GLRX3: variants seen among roughly 807,000 people sequenced by gnomAD.
The protein encoded by GLRX3 is glutaredoxin 3.
In GLRX3, 22 loss-of-function variants were observed where a neutral mutation model predicts 49.5. That is an observed-to-expected ratio of 0.44 (90% CI 0.32 to 0.63). GLRX3 has a LOEUF of 0.63. GLRX3 is among the 30% of genes least tolerant of loss of function. GLRX3 has a pLI of 0.05. For missense variants in GLRX3, 385 were observed against 396.3 expected (o/e 0.97, Z 0.24); for synonymous variants, 133 against 140.0 (o/e 0.95, Z 0.35).
Position 130,147,228 on chromosome 10 carries a change from G to T in GLRX3, c.201+1909G>T, listed in dbSNP as rs74564154. On this transcript the variant is annotated intron_variant, in intron 2 of 10. Transcript: ENST00000331244. ...ACTGCATGTTTGGTCAGTGATAAAA[G>T]ATAATGATTACAAGTGAAATGAATG... Among the ~76,000 whole-genome samples, 11 of 152,300 alleles carry T rather than the reference G, an allele frequency of 7.2e-5. No homozygotes were observed. In the East Asian group the frequency reaches 1.9e-3, roughly 27 times the overall value.
intron 1 of GLRX3, among the ~76,000 whole-genome samples, chr10:130,137,242 A>G (rs1298302577): frequency 1.3e-5 from 2 of 152,178 alleles, no homozygotes; most frequent in African/African-American, 4.8e-5. Flanking sequence ...CCCTGGGAAG[A>G]CTACAAAAGG....
intron 2 of GLRX3, among the ~76,000 whole-genome samples, chr10:130,158,215 A>ATT (rs756696306): frequency 3.9e-4 from 57 of 144,588 alleles, no homozygotes; most frequent in African/African-American, 9.4e-4. Flanking sequence ...AAGAAATCAG[A>ATT]TTTTTTTTTT....
chr10:130,138,046 A>G (rs1487618997), intron 1 of GLRX3, among the ~76,000 whole-genome samples: 1 of 151,732 alleles, frequency 6.6e-6, no homozygotes, highest in Admixed American at 6.6e-5. Context: ...AGAAATGCTT[A>G]TTGATCTAAA....
rs193289113 is a variant in GLRX3, at chr10:130,144,405, A to G, written c.93-806A>G. On this transcript the variant is annotated intron_variant, in intron 1 of 10. Coordinates refer to ENST00000331244, the MANE Select transcript of GLRX3 (RefSeq NM_006541.5). ...TGCTGCACCTATCAACCCATCATCT[A>G]GGTTTTAAGCCCTGCATGCATTAGG... 4.6e-5 allele frequency among the ~76,000 whole-genome samples: 7 copies of G among 151,180 alleles called. No homozygotes were observed. The South Asian group carries it at 8.3e-4, about 18-fold the overall frequency.
intron 2 of GLRX3, among the ~76,000 whole-genome samples, chr10:130,158,439 T>C (rs144581046): frequency 7.2e-5 from 11 of 152,338 alleles, no homozygotes; most frequent in Middle Eastern, 6.8e-3. Context: ...GCTACCTGTT[T>C]TGTTCTGGTT....
At chr10:130,167,250 C>A (rs376327726) in intron 6 of GLRX3, among the ~76,000 whole-genome samples, 8 of 152,312 alleles carry the variant, frequency 5.3e-5, no homozygotes, top group South Asian at 4.1e-4. Flanking sequence ...GTTTTGCTTA[C>A]CTCTCTGCAT....
At chr10:130,137,275 A>C (rs1263901624) in intron 1 of GLRX3, among the ~76,000 whole-genome samples, 2 of 152,202 alleles carry the variant, frequency 1.3e-5, no homozygotes, top group African/African-American at 4.8e-5. Flanking sequence ...ATGCATAGAA[A>C]GCGTTTTCTG....
At position 130,160,094 on chromosome 10, in the gene GLRX3, A is replaced by T. The variant is rs779764398; in HGVS notation, c.276+25A>T. ...GGTAAGGATAAAGGTGGTACAAGAG[A>T]TTATCCATTTGTAGGGTGCCATGGG... On this transcript the variant is annotated intron_variant, in intron 3 of 10. Transcript: ENST00000331244. 38 of 1,429,386 alleles carry T rather than the reference A, an allele frequency of 2.7e-5. No individual in the cohort carries two copies. The Admixed American group carries it at 6.4e-4, about 24-fold the overall frequency. 88.5% of individuals were successfully genotyped at this position (1,429,386 alleles called of 1,614,324 possible).
In GLRX3 at chr10:130,141,417, G is replaced by C. The variant is rs189933546; in HGVS notation, c.93-3794G>C. ...ACAGATCTTAATCGTCAGATGTGGT[G>C]AATTTTCACAATTGTATACACACCG... On this transcript the variant is annotated intron_variant, in intron 1 of 10. Transcript: ENST00000331244. Among the ~76,000 whole-genome samples, 3 of 152,258 alleles carry C rather than the reference G, an allele frequency of 2.0e-5. No individual in the cohort carries two copies. In the East Asian group the frequency reaches 5.8e-4, roughly 29 times the overall value.
rs1862694488 is a variant in GLRX3, at chr10:130,166,544, T to A, written c.516T>A (p.His172Gln). The A allele has an allele frequency of 3.1e-6, 5 of 1,613,366 alleles. No individual in the cohort carries two copies. The highest frequency in any genetic ancestry group is 4.2e-6 in the Non-Finnish European group (5 of 1,179,348). The stretch of plus-strand genomic sequence containing the variant: ...AGATGGTGGAAATTCTTCACAAACA[T>A]AATATTCAGTTTAGCAGTTTTGATA... The part of the protein sequence containing the change: ...SKQMVEILHK[H>Q]NIQFSSFDIF... The change falls in exon 5 of 11, where the codon CAT becomes CAA. Residue 172 changes from histidine (H) to glutamine (Q), a missense_variant. Around this residue, in one of 2 missense-constraint regions of GLRX3, gnomAD observed 374 missense variants for 358.6 expected, o/e 1.04. Coordinates refer to ENST00000331244, the MANE Select transcript of GLRX3 (RefSeq NM_006541.5).
chr10:130,152,929 C>G (rs1862406597), intron 2 of GLRX3, among the ~76,000 whole-genome samples: 1 of 152,210 alleles, frequency 6.6e-6, no homozygotes, highest in African/African-American at 2.4e-5. Flanking sequence ...CTGTCACTTT[C>G]AGGTACACCA....
intron 2 of GLRX3, among the ~76,000 whole-genome samples, chr10:130,156,675 C>T (rs1225538798): frequency 2.0e-5 from 3 of 152,202 alleles, no homozygotes; most frequent in Non-Finnish European, 2.9e-5. Context: ...CAGTGGCATC[C>T]GATGACCCCT....
rs1250578645 is a variant in GLRX3 at position 130,169,425 on chromosome 10, C to A, written c.714-8C>A. On this transcript the variant is annotated splice_polypyrimidine_tract_variant and splice_region_variant and intron_variant, in intron 6 of 10. Coordinates refer to ENST00000331244, the MANE Select transcript of GLRX3 (RefSeq NM_006541.5). Reference sequence around the variant, plus strand: ...CTGAGCCGTTTTATATCAATTTTCTCTCTTTAGGCTCAAAGTGCTGACAAA... The same window carrying A: ...CTGAGCCGTTTTATATCAATTTTCTATCTTTAGGCTCAAAGTGCTGACAAA... 6.3e-7 allele frequency: 1 copy of A among 1,598,570 alleles called. No homozygotes were observed. The highest frequency in any genetic ancestry group is 1.1e-5 in the South Asian group (1 of 90,700).
rs1862702914 is a variant in GLRX3 at position 130,166,926 on chromosome 10, A to C, written c.659A>C (p.Glu220Ala). ...IGGLDIIKEL[E>A]ASEELDTICP... ...TATGTGTGCTTATTTTAGGAGCTAG[A>C]AGCATCTGAAGAACTAGATACAATT... The change falls in exon 6 of 11, where the codon GAA becomes GCA. Residue 220 changes from glutamate to alanine, a missense_variant. Physicochemically the swap from Glu to Ala is moderately radical, Grantham distance 107. This residue lies in a region of GLRX3 where 374 missense variants were observed against 358.6 expected (regional missense o/e 1.04). Transcript: ENST00000331244. 1 of 1,587,236 alleles carries C rather than the reference A, an allele frequency of 6.3e-7. No individual in the cohort carries two copies. The highest frequency in any genetic ancestry group is 1.4e-5 in the African/African-American group (1 of 73,862).
intron 2 of GLRX3, among the ~76,000 whole-genome samples, chr10:130,156,306 T>C (rs550654275): frequency 1.5e-4 from 23 of 152,248 alleles, no homozygotes; most frequent in Admixed American, 6.5e-4. Context: ...TCAAACCCTT[T>C]TATAATGGCA....
chr10:130,173,726 C>T (rs1862859856), intron 8 of GLRX3, among the ~76,000 whole-genome samples: 1 of 152,152 alleles, frequency 6.6e-6, no homozygotes, highest in Non-Finnish European at 1.5e-5. Flanking sequence ...TGAACAAAGA[C>T]TTACATTGGG....
At chr10:130,172,212 C>T (rs993010769) in intron 8 of GLRX3, among the ~76,000 whole-genome samples, 4 of 152,136 alleles carry the variant, frequency 2.6e-5, no homozygotes, top group Non-Finnish European at 5.9e-5. Flanking sequence ...TAACTGAGTC[C>T]TCACCATGCA....
intron 1 of GLRX3, among the ~76,000 whole-genome samples, chr10:130,141,781 CTG>C (rs914731161): frequency 2.6e-5 from 4 of 152,170 alleles, no homozygotes; most frequent in African/African-American, 9.7e-5. Context: ...CATGAGGCCT[CTG>C]TGAACCTCTG....
intron 2 of GLRX3, among the ~76,000 whole-genome samples, chr10:130,152,538 A>G (rs1003082049): frequency 2.0e-5 from 3 of 152,138 alleles, no homozygotes; most frequent in African/African-American, 7.2e-5. Context: ...TTGTCTTTAA[A>G]TGATTTTATT....
Sources: gnomAD v4.1 joint callset for allele counts (sites outside exome capture counted in the v4.1 genomes callset) on GRCh38, gnomAD v4.1.1 for gene constraint, gnomAD v4.1.1 regional missense constraint, MANE v1.5 for transcripts, NCBI Gene and HGNC (gene_info 2026-07-23, HGNC 2026-07-21) for gene names.